GNAQ: variants seen among roughly 807,000 people sequenced by gnomAD.
The protein encoded by GNAQ is guanine nucleotide-binding protein G(q) subunit alpha.
In GNAQ, 8 loss-of-function variants were observed where a neutral mutation model predicts 43.9. The ratio of observed to expected loss-of-function variants is 0.18; its 90% CI spans 0.11 to 0.33. GNAQ has a LOEUF of 0.33. GNAQ is among the 10% of genes least tolerant of loss of function. The pLI, the probability that GNAQ is intolerant of heterozygous loss-of-function variation, is 1.00. For synonymous variants in GNAQ, 155 were observed against 170.7 expected, an observed-to-expected ratio of 0.91 and a Z score of 0.71; for missense variants, 158 against 450.8, an observed-to-expected ratio of 0.35 and a Z score of 5.88.
intron 2 of GNAQ, among the ~76,000 whole-genome samples, chr9:77,853,250 A>G (rs1827698492): frequency 6.6e-6 from 1 of 152,132 alleles, no homozygotes; most frequent in Non-Finnish European, 1.5e-5. Flanking sequence ...AGTTAATGCT[A>G]CTATGTGGCT....
chr9:78,003,685 G>A (rs1406947312), intron 1 of GNAQ, among the ~76,000 whole-genome samples: 2 of 151,950 alleles, frequency 1.3e-5, no homozygotes, highest in African/African-American at 4.8e-5. Flanking sequence ...GTGTGGTAAT[G>A]CACGCCTGTA....
Position 77,721,240 on chromosome 9 carries a change from T to A in GNAQ, c.*83A>T. The stretch of plus-strand genomic sequence containing the variant: ...GGCAATAAATTAGTATTATGCAAAT[T>A]GTTTTCCACAGAAATACAGTCCCTC... On this transcript the variant is annotated 3_prime_UTR_variant, in exon 7 of 7. Coordinates refer to ENST00000286548, the MANE Select transcript of GNAQ (RefSeq NM_002072.5). The A allele has an allele frequency of 1.2e-6, 1 of 846,210 alleles. No homozygotes were observed. The highest frequency in any genetic ancestry group is 1.9e-6 in the Non-Finnish European group (1 of 529,076). The allele number at this position is 846,210 out of a possible 1,614,324, so 52.4% of individuals were successfully genotyped here.
chr9:77,885,276 C>T (rs1828283761), intron 2 of GNAQ, among the ~76,000 whole-genome samples: 1 of 152,090 alleles, frequency 6.6e-6, no homozygotes, highest in African/African-American at 2.4e-5. Flanking sequence ...AGTCAGCAAG[C>T]TCAAGGAGCC....
At chr9:77,999,172 G>A (rs1210124749) in intron 1 of GNAQ, among the ~76,000 whole-genome samples, 1 of 145,908 alleles carries the variant, frequency 6.9e-6, no homozygotes, top group Non-Finnish European at 1.5e-5. Context: ...CACAACTGTA[G>A]ATTACCTATA....
intron 2 of GNAQ, among the ~76,000 whole-genome samples, chr9:77,862,113 T>G (rs1299767961): frequency 1.3e-5 from 2 of 151,748 alleles, no homozygotes; most frequent in African/African-American, 4.8e-5. Flanking sequence ...CTGGCTGCTT[T>G]CACAGGCATG....
intron 2 of GNAQ, among the ~76,000 whole-genome samples, chr9:77,903,227 T>TAA (rs1050368417): frequency 3.3e-5 from 5 of 152,070 alleles, no homozygotes; most frequent in African/African-American, 1.2e-4. Context: ...TCCCACTCCA[T>TAA]AAGTGGACTT....
At chr9:77,921,532 G>A (rs1271776831) in intron 2 of GNAQ, among the ~76,000 whole-genome samples, 2 of 152,210 alleles carry the variant, frequency 1.3e-5, no homozygotes, top group Non-Finnish European at 1.5e-5. Flanking sequence ...TACTGGAAGT[G>A]TGCTTATTTT....
intron 2 of GNAQ, among the ~76,000 whole-genome samples, chr9:77,815,993 T>A (rs1184495974): frequency 6.6e-6 from 1 of 152,146 alleles, no homozygotes; most frequent in Non-Finnish European, 1.5e-5. Flanking sequence ...TAGAATTGAT[T>A]AGAGGAAACT....
At chr9:77,860,997 A>G (rs2117973077) in intron 2 of GNAQ, among the ~76,000 whole-genome samples, 1 of 152,356 alleles carries the variant, frequency 6.6e-6, no homozygotes, top group Non-Finnish European at 1.5e-5. Flanking sequence ...TGGATGTATT[A>G]GTCCATTTTC....
intron 1 of GNAQ, among the ~76,000 whole-genome samples, chr9:77,983,733 A>G (rs1823397605): frequency 6.6e-6 from 1 of 152,132 alleles, no homozygotes; most frequent in Admixed American, 6.5e-5. Flanking sequence ...CAGCATCACT[A>G]GCAGATCTAG....
intron 1 of GNAQ, among the ~76,000 whole-genome samples, chr9:77,923,210 C>A (rs542982898): frequency 6.6e-6 from 1 of 152,042 alleles, no homozygotes. Flanking sequence ...TAACACATAT[C>A]CCCTGAATTT....
chr9:77,929,041 G>A (rs1829109646), intron 1 of GNAQ, among the ~76,000 whole-genome samples: 1 of 152,016 alleles, frequency 6.6e-6, no homozygotes, highest in African/African-American at 2.4e-5. Flanking sequence ...AAATAAAATG[G>A]TAAATTATGG....
At chr9:77,738,877 A>C (rs1411883060) in intron 5 of GNAQ, among the ~76,000 whole-genome samples, 1 of 148,834 alleles carries the variant, frequency 6.7e-6, no homozygotes, top group East Asian at 1.9e-4. Flanking sequence ...TAGTCTAAGC[A>C]TTTTTTTTTT....
chr9:77,817,096 C>T (rs1334872753), intron 2 of GNAQ, among the ~76,000 whole-genome samples: 1 of 152,136 alleles, frequency 6.6e-6, no homozygotes, highest in South Asian at 2.1e-4. Flanking sequence ...GGCAATCTTC[C>T]GTGTTCTCCC....
intron 1 of GNAQ, among the ~76,000 whole-genome samples, chr9:78,017,938 T>C (rs1280100668): frequency 6.6e-6 from 1 of 152,176 alleles, no homozygotes; most frequent in African/African-American, 2.4e-5. Flanking sequence ...CCTAACTTAC[T>C]GATATTCTAA....
chr9:77,785,934 T>C (rs1826469233), intron 5 of GNAQ, among the ~76,000 whole-genome samples: 1 of 152,180 alleles, frequency 6.6e-6, no homozygotes, highest in South Asian at 2.1e-4. Context: ...CTACTAGATA[T>C]TAAGATTATT....
intron 1 of GNAQ, among the ~76,000 whole-genome samples, chr9:77,934,320 T>G (rs191719355): frequency 8.5e-4 from 129 of 152,298 alleles, no homozygotes; most frequent in Admixed American, 2.0e-3. Flanking sequence ...ACTATTAAAT[T>G]TCTCACGAGA....
At chr9:77,926,222 A>G (rs1829070955) in intron 1 of GNAQ, among the ~76,000 whole-genome samples, 1 of 152,152 alleles carries the variant, frequency 6.6e-6, no homozygotes. Context: ...TCATTCTCCT[A>G]TTTTTATAGA....
chr9:77,736,086 C>T (rs1825573537), intron 5 of GNAQ, among the ~76,000 whole-genome samples: 1 of 152,180 alleles, frequency 6.6e-6, no homozygotes, highest in Non-Finnish European at 1.5e-5. Flanking sequence ...TATTTCCGTT[C>T]CCTGGAACTG....
Sources: allele counts gnomAD v4.1 joint callset (sites outside exome capture counted in the v4.1 genomes callset), GRCh38; gene constraint gnomAD v4.1.1; transcripts MANE v1.5; gene names NCBI Gene and HGNC (gene_info 2026-07-23, HGNC 2026-07-21).